The following PCDHGA11 variants were observed in gnomAD, a reference collection of about 807,000 sequenced individuals.
PCDHGA11 encodes the protein protocadherin gamma subfamily A, 11.
A neutral mutation model predicts 60.4 loss-of-function variants in PCDHGA11; 39 were observed. That is an observed-to-expected ratio of 0.65 (90% CI 0.50 to 0.84). PCDHGA11 has a LOEUF of 0.84. PCDHGA11 is among the 40% of genes least tolerant of loss of function. PCDHGA11 has a pLI of 0.00. For synonymous variants in PCDHGA11, 533 were observed against 510.3 expected, an observed-to-expected ratio of 1.04 and a Z score of -0.60; for missense variants, 1,165 against 1,197.7, an observed-to-expected ratio of 0.97 and a Z score of 0.40.
At chr5:141,492,026 G>T in intron 1 of PCDHGA11, 1 of 567,198 alleles carries the variant, frequency 1.8e-6, no homozygotes, top group Non-Finnish European at 3.0e-6. Flanking sequence ...GGGGTCCCGG[G>T]AGGAGGCAGT....
chr5:141,434,992 C>A (rs2097735368), intron 1 of PCDHGA11, among the ~76,000 whole-genome samples: 1 of 151,902 alleles, frequency 6.6e-6, no homozygotes, highest in Non-Finnish European at 1.5e-5. Context: ...ATATCATTTT[C>A]TAGCTGAATT....
Position 141,468,058 on chromosome 5 carries a change from C to T in PCDHGA11, c.2434-26749C>T, listed in dbSNP as rs993225792. ...TAGAAAACTAAGCCGGGCACAGTGG[C>T]TCACACCTGTAATCCCAGCACTTTG... On this transcript the variant is annotated intron_variant, in intron 1 of 3. Transcript: ENST00000398587. 1.1e-4 allele frequency among the ~76,000 whole-genome samples: 16 copies of T among 152,140 alleles called. 2 individuals carry two copies. The highest frequency in any genetic ancestry group is 5.2e-4 in the Admixed American group (8 of 15,276).
intron 1 of PCDHGA11, among the ~76,000 whole-genome samples, chr5:141,445,007 G>T (rs771023003): frequency 1.3e-5 from 2 of 151,994 alleles, no homozygotes; most frequent in African/African-American, 4.8e-5. Flanking sequence ...ATTTAATTAG[G>T]TCTTTAATTT....
At position 141,505,514 on chromosome 5, in the gene PCDHGA11, G is replaced by A. The variant is rs758026551; in HGVS notation, c.2581+33G>A. The A allele has an allele frequency of 1.2e-5, 20 of 1,613,682 alleles. No homozygotes were observed. The South Asian group carries it at 1.8e-4, about 14-fold the overall frequency. ...GTGTCAGTGTGTGTATGGAAGAGTGGGAGACCTGGGGTTCTGGGGTGCATC... is the reference window on the plus strand; with the variant it reads ...GTGTCAGTGTGTGTATGGAAGAGTGAGAGACCTGGGGTTCTGGGGTGCATC... On this transcript the variant is annotated intron_variant, in intron 3 of 3. Transcript: ENST00000398587.
chr5:141,423,123 A>G lies in PCDHGA11; in HGVS notation c.1896A>G (p.Ala632=). The change falls in exon 1 of 4, where the codon GCA becomes GCG. Residue 632 remains alanine (A), a synonymous_variant. Coordinates refer to ENST00000398587, the MANE Select transcript of PCDHGA11 (RefSeq NM_018914.3). ...CGGGCGAGGTGCGTACAGCGCGGGCACTGCTGGACAGAGACGCGCTCAAGC... is the reference window on the plus strand; with the variant it reads ...CGGGCGAGGTGCGTACAGCGCGGGCGCTGCTGGACAGAGACGCGCTCAAGC... ...EHTGEVRTAR[A]LLDRDALKQS... The G allele has an allele frequency of 1.2e-6, 2 of 1,613,766 alleles. No homozygotes were observed. Among genetic ancestry groups the G allele is most frequent in the Non-Finnish European group, 1.7e-6 (2 of 1,179,958 alleles).
chr5:141,436,877 A>G (rs2097851127), intron 1 of PCDHGA11, among the ~76,000 whole-genome samples: 1 of 152,252 alleles, frequency 6.6e-6, no homozygotes, highest in Admixed American at 6.5e-5. Flanking sequence ...AGGCCATAAA[A>G]GATGGGGGAA....
In PCDHGA11 at chr5:141,489,117, T is replaced by A; in HGVS notation, c.2434-5690T>A. On this transcript the variant is annotated intron_variant, in intron 1 of 3. Coordinates refer to ENST00000398587, the MANE Select transcript of PCDHGA11 (RefSeq NM_018914.3). The surrounding 1 kb of genome is among the most constrained non-coding windows in gnomAD (Gnocchi z 4.5). ...AAGAACTGCTGCAAGCAGGCAAACCTCCGAGCAGTTTTTAAGAGGCTGGAA... is the reference window on the plus strand; with the variant it reads ...AAGAACTGCTGCAAGCAGGCAAACCACCGAGCAGTTTTTAAGAGGCTGGAA... The A allele has an allele frequency of 1.4e-5, 5 of 370,102 alleles. No homozygotes were observed. The highest frequency in any genetic ancestry group is 2.3e-5 in the Non-Finnish European group (5 of 214,436). 22.9% of individuals were successfully genotyped at this position (370,102 alleles called of 1,614,324 possible).
In PCDHGA11 at chr5:141,478,136, C is replaced by G. The variant is rs529858044; in HGVS notation, c.2434-16671C>G. 1.4e-4 allele frequency: 218 copies of G among 1,614,048 alleles called. 3 individuals are homozygous for G. The South Asian group carries it at 2.2e-3, about 17-fold the overall frequency. ...AGTAACCGAGGACTCTCCTGAAGCC[C>G]GAGCCGAGTTCCCCTCTGGCTCTGC... is the stretch of plus-strand genomic sequence containing the variant. On this transcript the variant is annotated intron_variant, in intron 1 of 3. Coordinates refer to ENST00000398587, the MANE Select transcript of PCDHGA11 (RefSeq NM_018914.3).
intron 1 of PCDHGA11, among the ~76,000 whole-genome samples, chr5:141,442,967 G>T (rs553833025): frequency 1.3e-5 from 2 of 152,220 alleles, no homozygotes; most frequent in African/African-American, 2.4e-5. Context: ...AGACATTCTG[G>T]CTGATAAAGT....
intron 1 of PCDHGA11, among the ~76,000 whole-genome samples, chr5:141,475,339 T>C (rs1295364417): frequency 1.3e-5 from 2 of 152,188 alleles, no homozygotes; most frequent in Non-Finnish European, 2.9e-5. Flanking sequence ...AACAATGACA[T>C]CCAGTTTTAA....
chr5:141,465,019 G>T (rs533151051), intron 1 of PCDHGA11, among the ~76,000 whole-genome samples: 1 of 151,978 alleles, frequency 6.6e-6, no homozygotes, highest in Non-Finnish European at 1.5e-5. Context: ...TAAGATTACA[G>T]CCATGAACCA....
intron 1 of PCDHGA11, among the ~76,000 whole-genome samples, chr5:141,458,298 A>G (rs2098942125): frequency 6.6e-6 from 1 of 152,178 alleles, no homozygotes; most frequent in African/African-American, 2.4e-5. Context: ...ATGCTGGTTT[A>G]GATAAAATGA....
At chr5:141,428,155 G>A (rs767716956) in intron 1 of PCDHGA11, 7 of 1,581,618 alleles carry the variant, frequency 4.4e-6, no homozygotes, top group East Asian at 2.2e-5. Flanking sequence ...ACGGGAACCT[G>A]CTGGTTGCTG....
At chr5:141,502,001 C>T (rs2099812274) in intron 2 of PCDHGA11, among the ~76,000 whole-genome samples, 2 of 152,106 alleles carry the variant, frequency 1.3e-5, no homozygotes, top group Admixed American at 1.3e-4. Flanking sequence ...CCCTGACAAC[C>T]CGCATGCTCT....
Position 141,423,114 on chromosome 5 carries a change from A to G in PCDHGA11, c.1887A>G (p.Thr629=). The change falls in exon 1 of 4, where the codon ACA becomes ACG. Residue 629 remains threonine (T), a synonymous_variant. Transcript: ENST00000398587. ...GGGAGCACACGGGCGAGGTGCGTAC[A>G]GCGCGGGCACTGCTGGACAGAGACG... ...AVGEHTGEVR[T]ARALLDRDAL... 1.9e-6 allele frequency: 3 copies of G among 1,613,848 alleles called. No homozygotes were observed. Among genetic ancestry groups the G allele is most frequent in the Non-Finnish European group, 1.7e-6 (2 of 1,179,988 alleles).
Position 141,491,140 on chromosome 5 carries a change from T to A in PCDHGA11, c.2434-3667T>A, listed in dbSNP as rs1392575961. On this transcript the variant is annotated intron_variant, in intron 1 of 3. Coordinates refer to ENST00000398587, the MANE Select transcript of PCDHGA11 (RefSeq NM_018914.3). This position sits in a 1 kb window ranked among gnomAD's most constrained non-coding sequence, Gnocchi z 6.9. ...TGGTGAGGTGCGCACAGCCCGGGCC[T>A]TACTGGAGGATGACTCTGACACCCA... 2 of 1,614,110 alleles carry A rather than the reference T, an allele frequency of 1.2e-6. No individual in the cohort carries two copies. Among genetic ancestry groups the A allele is most frequent in the Non-Finnish European group, 1.7e-6 (2 of 1,179,992 alleles).
chr5:141,452,010 G>A (rs955708033), intron 1 of PCDHGA11, among the ~76,000 whole-genome samples: 1 of 152,192 alleles, frequency 6.6e-6, no homozygotes, highest in African/African-American at 2.4e-5. Context: ...ACTTGGTCCA[G>A]CCCACACTCT....
At position 141,493,512 on chromosome 5, in the gene PCDHGA11, C is replaced by A. The variant is rs1327850681; in HGVS notation, c.2434-1295C>A. The stretch of plus-strand genomic sequence containing the variant: ...CTGTGGCTCCTCATTTCTGAGCAGT[C>A]CCCGCAGCGCAAACTTGGCCAGTTA... On this transcript the variant is annotated intron_variant, in intron 1 of 3. Transcript: ENST00000398587. The surrounding 1 kb of genome is among the most constrained non-coding windows in gnomAD (Gnocchi z 4.3). Among the ~76,000 whole-genome samples the A allele has an allele frequency of 1.3e-5, 2 of 152,148 alleles. No individual in the cohort carries two copies. Among genetic ancestry groups the A allele is most frequent in the South Asian group, 4.1e-4 (2 of 4,824 alleles).
At position 141,486,218 on chromosome 5, in the gene PCDHGA11, T is replaced by A. The variant is rs1467104398; in HGVS notation, c.2434-8589T>A. The A allele has an allele frequency of 2.5e-6, 4 of 1,614,004 alleles. No homozygotes were observed. The African/African-American group carries it at 5.3e-5, about 22-fold the overall frequency. On this transcript the variant is annotated intron_variant, in intron 1 of 3. Transcript: ENST00000398587. The surrounding 1 kb of genome is among the most constrained non-coding windows in gnomAD (Gnocchi z 5.0). ...GCTGGACGTAAATGACAATGCCCCT[T>A]ACATCACAGTGACCTCAGAGCTTGG...
Sources: gnomAD v4.1 joint callset for allele counts (sites outside exome capture counted in the v4.1 genomes callset) on GRCh38, gnomAD v4.1.1 for gene constraint, Gnocchi (gnomAD v3.1) non-coding constraint, MANE v1.5 for transcripts, NCBI Gene and HGNC (gene_info 2026-07-23, HGNC 2026-07-21) for gene names.